Variants in DENND5B observed in about 807,000 individuals in gnomAD.
DENND5B encodes DENN domain-containing protein 5B.
DENND5B carries 34 observed loss-of-function variants against 140.6 expected under a neutral mutation model. The ratio of observed to expected loss-of-function variants is 0.24; its 90% CI spans 0.18 to 0.32. The LOEUF (loss-of-function observed/expected upper bound fraction) is 0.32. DENND5B is among the 10% of genes least tolerant of loss of function. DENND5B has a pLI of 1.00. For missense variants in DENND5B, 1,142 were observed against 1,560.2 expected (o/e 0.73, Z 4.52); for synonymous variants, 551 against 562.1 (o/e 0.98, Z 0.28).
intron 17 of DENND5B, among the ~76,000 whole-genome samples, 152 bp downstream of exon 17, chr12:31,398,023 A>G (rs1941578240): frequency 6.6e-6 from 1 of 151,702 alleles, no homozygotes; most frequent in Non-Finnish European, 1.5e-5. Flanking sequence ...TAACATCTAA[A>G]CTCTTCCGGC....
At chr12:31,399,525 C>A (rs534184424) in intron 16 of DENND5B, 129 bp downstream of exon 16, 1 of 637,978 alleles carries the variant, frequency 1.6e-6, no homozygotes, top group Non-Finnish European at 2.6e-6. Flanking sequence ...GTGATCCACC[C>A]GCCTTGGCCT....
In DENND5B at chr12:31,387,550, C is replaced by T; in HGVS notation, c.*53G>A. Reference sequence around the variant, plus strand: ...TACTGTCAGACAAGTCCAAATCGGTCCCCTAGTTGGGGAAGGAGCAAGGTT... The same window carrying T: ...TACTGTCAGACAAGTCCAAATCGGTTCCCTAGTTGGGGAAGGAGCAAGGTT... On this transcript the variant is annotated 3_prime_UTR_variant, in exon 21 of 21. Coordinates refer to ENST00000389082, the MANE Select transcript of DENND5B (RefSeq NM_144973.4). 6.4e-7 allele frequency: 1 copy of T among 1,574,336 alleles called. No individual in the cohort carries two copies. The highest frequency in any genetic ancestry group is 8.7e-7 in the Non-Finnish European group (1 of 1,155,424).
chr12:31,399,805 C>T, intron 15 of DENND5B, 33 bp from the exon 16 acceptor site: 1 of 1,528,076 alleles, frequency 6.5e-7, no homozygotes, highest in Non-Finnish European at 9.0e-7. Flanking sequence ...TATTTAGTAC[C>T]CAATCCCATC....
chr12:31,431,625 G>A (rs944361728), intron 8 of DENND5B, among the ~76,000 whole-genome samples: 5 of 152,066 alleles, frequency 3.3e-5, no homozygotes, highest in African/African-American at 9.7e-5. Flanking sequence ...ACCAGGAAGG[G>A]GAAATTAAAA....
intron 14 of DENND5B, among the ~76,000 whole-genome samples, chr12:31,403,905 A>G (rs1941971762): frequency 6.7e-6 from 1 of 148,558 alleles, no homozygotes; most frequent in Non-Finnish European, 1.5e-5. Context: ...TCCAAAAAAA[A>G]AAAAAAAAAA....
At chr12:31,512,089 G>C (rs1421447931) in intron 1 of DENND5B, among the ~76,000 whole-genome samples, 5 of 150,924 alleles carry the variant, frequency 3.3e-5, no homozygotes. Flanking sequence ...GCTAATTTTT[G>C]TATTTTTAGT....
chr12:31,518,126 A>G (rs1947739712), intron 1 of DENND5B, among the ~76,000 whole-genome samples: 1 of 152,214 alleles, frequency 6.6e-6, no homozygotes, highest in Admixed American at 6.5e-5. Flanking sequence ...AACCTCTCAC[A>G]TTCAGCTTCT....
intron 1 of DENND5B, among the ~76,000 whole-genome samples, chr12:31,496,897 G>T (rs1946780711): frequency 6.6e-6 from 1 of 152,128 alleles, no homozygotes; most frequent in Non-Finnish European, 1.5e-5. Context: ...TTGGGATCAA[G>T]GAACTAGAAG....
chr12:31,562,514 T>A (rs1949509939), intron 1 of DENND5B, among the ~76,000 whole-genome samples: 1 of 151,724 alleles, frequency 6.6e-6, no homozygotes, highest in Admixed American at 6.6e-5. Flanking sequence ...GTAGGGAGGC[T>A]AAGGCAGGAG....
intron 3 of DENND5B, among the ~76,000 whole-genome samples, chr12:31,471,443 G>A (rs1429524189): frequency 1.3e-5 from 2 of 148,534 alleles, no homozygotes; most frequent in Non-Finnish European, 1.5e-5. Flanking sequence ...GATTACAATC[G>A]CACACCACCA....
Position 31,545,950 on chromosome 12 carries a change from C to CAAAAAAAAAA in DENND5B, c.127+44746_127+44755dup, listed in dbSNP as rs57460264. Among the ~76,000 whole-genome samples, 59 of 36,390 alleles carry CAAAAAAAAAA rather than the reference C, an allele frequency of 1.6e-3. 9 individuals carry two copies. Among genetic ancestry groups the CAAAAAAAAAA allele is most frequent in the African/African-American group, 4.0e-3 (28 of 6,950 alleles). 23.9% of individuals were successfully genotyped at this position (36,390 alleles called of 152,430 possible). A position where few individuals can be genotyped will look rare whatever the true frequency, so the allele number is the denominator to read the frequency against. ...TGGGTGAGAGAGTAAGACACTGTCTCAAAAAAAAAAAAAAAAAAAAAGTGG... is the reference window on the plus strand; with the variant it reads ...TGGGTGAGAGAGTAAGACACTGTCTCAAAAAAAAAAAAAAAAAAAAAAAAAAAAAAAGTGG... On this transcript the variant is annotated intron_variant, in intron 1 of 20. Coordinates refer to ENST00000389082, the MANE Select transcript of DENND5B (RefSeq NM_144973.4).
Position 31,447,730 on chromosome 12 carries a change from A to G in DENND5B, c.1669T>C (p.Phe557Leu), listed in dbSNP as rs1944332918. The change falls in exon 6 of 21, where the codon TTT becomes CTT. Residue 557 changes from phenylalanine to leucine, a missense_variant. Transcript: ENST00000389082. ...TGTGTTTCAATGAAGCGTGAAAGAAATGGCAGGTAAGGCTCAGGCTGGTCA... is the reference window on the plus strand; with the variant it reads ...TGTGTTTCAATGAAGCGTGAAAGAAGTGGCAGGTAAGGCTCAGGCTGGTCA... ...LSDQPEPYLP[F>L]LSRFIETQMF... The G allele has an allele frequency of 6.2e-7, 1 of 1,608,456 alleles. No individual in the cohort carries two copies. Among genetic ancestry groups the G allele is most frequent in the African/African-American group, 1.3e-5 (1 of 74,874 alleles).
At chr12:31,403,443 AT>A (rs1402927876) in intron 14 of DENND5B, among the ~76,000 whole-genome samples, 3 of 151,650 alleles carry the variant, frequency 2.0e-5, no homozygotes, top group Admixed American at 2.0e-4. Flanking sequence ...CAGTACAAAA[AT>A]TAGCCGGGTG....
At chr12:31,414,886 C>T (rs1425818035) in intron 12 of DENND5B, among the ~76,000 whole-genome samples, 1 of 148,700 alleles carries the variant, frequency 6.7e-6, no homozygotes, top group Non-Finnish European at 1.5e-5. Flanking sequence ...CACGACACTG[C>T]ACTCCAGCCT....
chr12:31,548,053 A>G (rs1256205439), intron 1 of DENND5B, among the ~76,000 whole-genome samples: 6 of 152,138 alleles, frequency 3.9e-5, no homozygotes, highest in South Asian at 4.1e-4. Flanking sequence ...AAAACGTAAG[A>G]TATTAAAAAT....
At chr12:31,399,275 C>CTTTTT (rs530514939) in intron 16 of DENND5B, among the ~76,000 whole-genome samples, 3 of 60,438 alleles carry the variant, frequency 5.0e-5, no homozygotes, top group African/African-American at 1.9e-4. Flanking sequence ...TCAAACAATT[C>CTTTTT]TTTTTTTTTT....
chr12:31,515,113 A>T (rs2138951968), intron 1 of DENND5B, among the ~76,000 whole-genome samples: 1 of 152,280 alleles, frequency 6.6e-6, no homozygotes. Flanking sequence ...ACAGAGTGAG[A>T]CCCTGTCTCT....
chr12:31,568,637 A>G (rs961275925), intron 1 of DENND5B, among the ~76,000 whole-genome samples: 20 of 152,186 alleles, frequency 1.3e-4, no homozygotes, highest in African/African-American at 4.1e-4. Flanking sequence ...CTGCCACTTA[A>G]TAACTCTGAG....
intron 1 of DENND5B, among the ~76,000 whole-genome samples, chr12:31,503,121 G>A (rs1591939564): frequency 6.6e-6 from 1 of 152,122 alleles, no homozygotes; most frequent in East Asian, 1.9e-4. Flanking sequence ...TCAAGAAGGA[G>A]ACCTCAATAA....
Sources: allele counts gnomAD v4.1 joint callset (sites outside exome capture counted in the v4.1 genomes callset), GRCh38; gene constraint gnomAD v4.1.1; transcripts MANE v1.5; gene names NCBI Gene and HGNC (gene_info 2026-07-23, HGNC 2026-07-21).